The following KLHL1 variants were observed in gnomAD, a reference collection of about 807,000 sequenced individuals.
KLHL1 encodes the protein kelch-like protein 1.
KLHL1 carries 47 observed loss-of-function variants against 77.7 expected under a neutral mutation model. The ratio of observed to expected loss-of-function variants is 0.60; its 90% CI spans 0.48 to 0.77. The LOEUF is 0.77. Among genes scored for constraint, KLHL1 ranks in the 30% least tolerant of loss-of-function variants. The pLI is 0.00. For synonymous variants in KLHL1, 360 were observed against 325.2 expected, an observed-to-expected ratio of 1.11 and a Z score of -1.15; for missense variants, 925 against 910.8, an observed-to-expected ratio of 1.02 and a Z score of -0.20.
chr13:70,091,060 G>A (rs7350672), intron 1 of KLHL1, among the ~76,000 whole-genome samples: 33,663 of 151,534 alleles, frequency 0.22, 4,207 homozygotes, highest in South Asian at 0.39. Flanking sequence ...TTTTATTCCC[G>A]TGCTTATGAC....
intron 7 of KLHL1, among the ~76,000 whole-genome samples, chr13:69,770,811 C>T (rs937450702): frequency 3.3e-4 from 51 of 152,270 alleles, no homozygotes; most frequent in African/African-American, 9.1e-4. Context: ...TGTAGTGGCA[C>T]GAGCTGGGCT....
chr13:69,739,295 A>G (rs149725454), intron 8 of KLHL1, among the ~76,000 whole-genome samples: 1 of 152,320 alleles, frequency 6.6e-6, no homozygotes, highest in Non-Finnish European at 1.5e-5. Context: ...CCGCAACGAA[A>G]ACACACTTAA....
chr13:69,810,336 G>T (rs371432432), intron 6 of KLHL1, among the ~76,000 whole-genome samples: 4 of 151,992 alleles, frequency 2.6e-5, no homozygotes, highest in African/African-American at 9.7e-5. Context: ...ATTATATGAA[G>T]CATCTCCTTG....
In KLHL1 at chr13:69,868,077, A is replaced by C. The variant is rs1880441213; in HGVS notation, c.1227+14206T>G. ...TTTGGAAAAAATATTAAATATTCTG[A>C]ATGTAGTATTCTTTTTAATCTCTTT... is the stretch of plus-strand genomic sequence containing the variant. On this transcript the variant is annotated intron_variant, in intron 5 of 10. Coordinates refer to ENST00000377844, the MANE Select transcript of KLHL1 (RefSeq NM_020866.3). 2.6e-5 allele frequency among the ~76,000 whole-genome samples: 4 copies of C among 152,124 alleles called. No individual in the cohort carries two copies. In the South Asian group the frequency reaches 8.3e-4, roughly 31 times the overall value.
intron 7 of KLHL1, among the ~76,000 whole-genome samples, chr13:69,754,887 C>T (rs1039533894): frequency 2.2e-4 from 34 of 152,118 alleles, no homozygotes; most frequent in African/African-American, 7.2e-4. Flanking sequence ...TGAAATTCCA[C>T]TGTTCTTTCA....
intron 1 of KLHL1, among the ~76,000 whole-genome samples, chr13:69,976,645 A>C (rs766842242): frequency 2.0e-5 from 3 of 152,104 alleles, no homozygotes; most frequent in Non-Finnish European, 4.4e-5. Context: ...TTAGATTCAT[A>C]AAGTTAAGAC....
chr13:70,005,089 A>G (rs1885376137), intron 1 of KLHL1, among the ~76,000 whole-genome samples: 1 of 151,880 alleles, frequency 6.6e-6, no homozygotes, highest in Admixed American at 6.6e-5. Flanking sequence ...ACACAAAAAT[A>G]AAATAGTAAA....
intron 5 of KLHL1, among the ~76,000 whole-genome samples, chr13:69,877,422 G>T (rs2138187267): frequency 6.6e-6 from 1 of 151,828 alleles, no homozygotes; most frequent in Admixed American, 6.6e-5. Flanking sequence ...AAAAATAGCA[G>T]AATAATGAGT....
chr13:69,990,122 A>G (rs1247850617), intron 1 of KLHL1, among the ~76,000 whole-genome samples: 1 of 152,024 alleles, frequency 6.6e-6, no homozygotes, highest in African/African-American at 2.4e-5. Flanking sequence ...TAGACAAGCA[A>G]ATGCTGAAGG....
At chr13:70,077,596 T>C (rs1370295432) in intron 1 of KLHL1, among the ~76,000 whole-genome samples, 2 of 152,006 alleles carry the variant, frequency 1.3e-5, no homozygotes, top group East Asian at 1.9e-4. Flanking sequence ...TTTTGGATAA[T>C]AACAATGTAT....
At chr13:69,906,591 C>G (rs780560756) in intron 4 of KLHL1, among the ~76,000 whole-genome samples, 4 of 151,906 alleles carry the variant, frequency 2.6e-5, no homozygotes, top group Non-Finnish European at 2.9e-5. Flanking sequence ...CAAATACAAT[C>G]TTAGAATTAC....
At chr13:69,757,124 C>A (rs115977311) in intron 7 of KLHL1, among the ~76,000 whole-genome samples, 1,730 of 152,180 alleles carry the variant, frequency 0.011, 35 homozygotes, top group African/African-American at 0.039. Context: ...GATCCTAAAT[C>A]TTTTAGAAAC....
intron 1 of KLHL1, among the ~76,000 whole-genome samples, chr13:70,002,340 A>G (rs1481289942): frequency 9.9e-5 from 15 of 151,636 alleles, no homozygotes; most frequent in Non-Finnish European, 1.0e-4. Context: ...ATCTTAATGT[A>G]TGAATAGATT....
chr13:69,867,908 C>T (rs918460071), intron 5 of KLHL1, among the ~76,000 whole-genome samples: 4 of 151,322 alleles, frequency 2.6e-5, no homozygotes, highest in Admixed American at 2.6e-4. Flanking sequence ...TGTTAAATAA[C>T]GAGTTAATGG....
chr13:69,774,455 A>T (rs2137988839), intron 7 of KLHL1, among the ~76,000 whole-genome samples: 1 of 152,124 alleles, frequency 6.6e-6, no homozygotes, highest in Non-Finnish European at 1.5e-5. Context: ...ACAATTTGGC[A>T]AAATAATGGA....
chr13:70,023,781 C>G (rs1885862489), intron 1 of KLHL1, among the ~76,000 whole-genome samples: 1 of 151,756 alleles, frequency 6.6e-6, no homozygotes, highest in Admixed American at 6.6e-5. Context: ...TTTGTATATC[C>G]TTTATATTGC....
At chr13:69,971,846 C>G (rs559594591) in intron 2 of KLHL1, among the ~76,000 whole-genome samples, 6 of 151,906 alleles carry the variant, frequency 3.9e-5, no homozygotes, top group Non-Finnish European at 7.4e-5. Context: ...GGGCATAGGC[C>G]AATGCTAGAG....
chr13:69,742,796 A>C (rs1259654776), intron 7 of KLHL1, among the ~76,000 whole-genome samples: 1 of 152,186 alleles, frequency 6.6e-6, no homozygotes, highest in African/African-American at 2.4e-5. Flanking sequence ...AGGCATAGTT[A>C]AAATTAAAAA....
At chr13:69,798,051 A>G (rs1310175165) in intron 6 of KLHL1, among the ~76,000 whole-genome samples, 1 of 151,970 alleles carries the variant, frequency 6.6e-6, no homozygotes, top group Non-Finnish European at 1.5e-5. Context: ...TAATTACCCA[A>G]TTCTCATTAA....
Sources: allele counts gnomAD v4.1 joint callset (sites outside exome capture counted in the v4.1 genomes callset), GRCh38; gene constraint gnomAD v4.1.1; transcripts MANE v1.5; gene names NCBI Gene and HGNC (gene_info 2026-07-23, HGNC 2026-07-21).